Variants in NIN observed in about 807,000 individuals in gnomAD.
NIN encodes the protein glycogen synthase kinase 3 beta-interacting protein.
NIN carries 137 observed loss-of-function variants against 257.6 expected under a neutral mutation model. The observed-to-expected ratio is 0.53, with a 90% CI of 0.46 to 0.61. NIN has a LOEUF of 0.61. NIN is among the 20% of genes least tolerant of loss of function. NIN has a pLI of 0.00. For missense variants in NIN, 2,439 were observed against 2,501.2 expected, an observed-to-expected ratio of 0.98 and a Z score of 0.53; for synonymous variants, 918 against 919.8, an observed-to-expected ratio of 1.00 and a Z score of 0.04.
Position 50,766,288 on chromosome 14 carries a change from G to A in NIN, c.1635+19C>T, listed in dbSNP as rs2042483937. ...ACCCAGGCACTCCTGCACTTACTCA[G>A]TTCTCTTTGTCTACCTACCCTGCAC... On this transcript the variant is annotated intron_variant, in intron 14 of 30. Transcript: ENST00000530997. The A allele has an allele frequency of 6.2e-7, 1 of 1,600,332 alleles. No homozygotes were observed. Among genetic ancestry groups the A allele is most frequent in the East Asian group, 2.2e-5 (1 of 44,812 alleles).
At position 50,755,465 on chromosome 14, in the gene NIN, GT is replaced by G. The variant is rs548705356; in HGVS notation, c.4539-599del. 9.1e-3 allele frequency among the ~76,000 whole-genome samples: 1,285 copies of G among 141,500 alleles called. 19 individuals are homozygous for G. Among genetic ancestry groups the G allele is most frequent in the African/African-American group, 0.028 (1,101 of 38,884 alleles). 92.8% of individuals were successfully genotyped at this position (141,500 alleles called of 152,430 possible). On this transcript the variant is annotated intron_variant, in intron 18 of 30. Transcript: ENST00000530997. ...TCAGACGTCCTGTAATAGTTTACAAGTTTTTTTTTTTTTTGAAAAACCAAAT... is the reference window on the plus strand; with the variant it reads ...TCAGACGTCCTGTAATAGTTTACAAGTTTTTTTTTTTTTGAAAAACCAAAT...
At chr14:50,800,334 T>C (rs2044042300) in intron 4 of NIN, among the ~76,000 whole-genome samples, 1 of 152,212 alleles carries the variant, frequency 6.6e-6, no homozygotes, top group Non-Finnish European at 1.5e-5. Context: ...AAAAAGTGTT[T>C]CAGATTTTAG....
chr14:50,789,675 T>C (rs1413113457), intron 5 of NIN, among the ~76,000 whole-genome samples: 1 of 152,180 alleles, frequency 6.6e-6, no homozygotes, highest in Non-Finnish European at 1.5e-5. Flanking sequence ...TTGAGAATTT[T>C]TTTTCCTTCC....
chr14:50,755,187 A>T (rs972415286), intron 18 of NIN, among the ~76,000 whole-genome samples: 3 of 152,182 alleles, frequency 2.0e-5, no homozygotes, highest in African/African-American at 7.2e-5. Flanking sequence ...AAATGTCTTC[A>T]TTTATCTCAG....
intron 21 of NIN, among the ~76,000 whole-genome samples, chr14:50,748,905 G>A (rs200946857): frequency 5.3e-5 from 8 of 151,646 alleles, no homozygotes; most frequent in East Asian, 1.9e-4. Flanking sequence ...TTATAGATTC[G>A]GTGCTATTCC....
intron 24 of NIN, among the ~76,000 whole-genome samples, chr14:50,742,620 T>C (rs1000548938): frequency 7.2e-5 from 11 of 152,074 alleles, no homozygotes; most frequent in Non-Finnish European, 4.4e-5. Flanking sequence ...GGTCTTGATC[T>C]CTTGACCTCG....
At chr14:50,731,010 A>G in intron 28 of NIN, 3 of 1,202,880 alleles carry the variant, frequency 2.5e-6, no homozygotes, top group South Asian at 2.4e-5. Context: ...CACAGACAAG[A>G]CAAAAAGAAG....
In NIN at chr14:50,771,468, C is replaced by T; in HGVS notation, c.982G>A (p.Ala328Thr). The stretch of plus-strand genomic sequence containing the variant: ...TTTCCATCGAGGCTGAAATCCAAGG[C>T]CTAGAAATCAGAGCAAGGCGTAAAT... ...GIENSQEILK[A>T]LDFSLDGNIN... The change falls in exon 10 of 31, where the codon GCC becomes ACC. Residue 328 changes from alanine to threonine, a missense_variant and splice_region_variant. This residue lies in a region of NIN where 387 missense variants were observed against 427.3 expected (regional missense o/e 0.91). Coordinates refer to ENST00000530997, the MANE Select transcript of NIN (RefSeq NM_020921.4). 6.2e-7 allele frequency: 1 copy of T among 1,613,818 alleles called. No individual in the cohort carries two copies. Among genetic ancestry groups the T allele is most frequent in the Non-Finnish European group, 8.5e-7 (1 of 1,179,906 alleles).
In NIN at chr14:50,776,990, AG is replaced by A; in HGVS notation, c.624del (p.Ser209ProfsTer29). ...TGTAAACCATACTGCTCACAGATGG[AG>A]ACCAGCTTCTTCCGGTTCAGGTGAC... ...RDGHLNRKKL[V>X]SICEQYGLQN... On this transcript the variant is annotated frameshift_variant, in exon 7 of 31. Coordinates refer to ENST00000530997, the MANE Select transcript of NIN (RefSeq NM_020921.4). LOFTEE classifies it high-confidence loss of function. 6.2e-7 allele frequency: 1 copy of A among 1,614,140 alleles called. No homozygotes were observed. Among genetic ancestry groups the A allele is most frequent in the South Asian group, 1.1e-5 (1 of 91,074 alleles).
intron 5 of NIN, among the ~76,000 whole-genome samples, chr14:50,780,726 A>G (rs2043102591): frequency 6.6e-6 from 1 of 152,238 alleles, no homozygotes; most frequent in African/African-American, 2.4e-5. Context: ...TTGCTGACAA[A>G]TGGAAGACAC....
intron 4 of NIN, 134 bp downstream of exon 4, chr14:50,806,603 G>C: frequency 1.9e-6 from 1 of 534,370 alleles, no homozygotes; most frequent in East Asian, 3.2e-5. Context: ...TTGAAGAGAA[G>C]TCACCGAAAA....
At position 50,792,867 on chromosome 14, in the gene NIN, C is replaced by T. The variant is rs918095640; in HGVS notation, c.280G>A (p.Ala94Thr). The change falls in exon 5 of 31, where the codon GCT becomes ACT. Residue 94 changes from alanine to threonine, a missense_variant. Physicochemically the swap from Ala to Thr is moderately conservative, Grantham distance 58 (BLOSUM62 0). This residue lies in a region of NIN where 387 missense variants were observed against 427.3 expected (regional missense o/e 0.91). Transcript: ENST00000530997. The stretch of plus-strand genomic sequence containing the variant: ...CCACCTCTAACATATTTGGGCTGAG[C>T]TTCTAGTGAGCAGTCTGAGAGAGGA... ...HFQEPDCSLE[A>T]QPKYVRGGKR... The T allele has an allele frequency of 6.2e-7, 1 of 1,614,208 alleles. No individual in the cohort carries two copies. Among genetic ancestry groups the T allele is most frequent in the Non-Finnish European group, 8.5e-7 (1 of 1,180,036 alleles).
At chr14:50,830,666 T>C (rs1379855172) in intron 1 of NIN, 149 bp from the exon 2 acceptor site, 2 of 165,822 alleles carry the variant, frequency 1.2e-5, no homozygotes, top group East Asian at 1.9e-4. Context: ...GGCCAGCTCT[T>C]ACAAAAGCGC....
chr14:50,798,482 C>G (rs1246801815), intron 4 of NIN, among the ~76,000 whole-genome samples: 1 of 152,162 alleles, frequency 6.6e-6, no homozygotes, highest in Non-Finnish European at 1.5e-5. Context: ...ACTGGATGGT[C>G]TAAGTCCTAA....
chr14:50,761,058 G>A (rs2042256193), intron 16 of NIN, among the ~76,000 whole-genome samples: 1 of 152,090 alleles, frequency 6.6e-6, no homozygotes, highest in Non-Finnish European at 1.5e-5. Flanking sequence ...GGTAAGATAT[G>A]GTCCCTGCTA....
At chr14:50,773,911 C>A in intron 7 of NIN, among the ~76,000 whole-genome samples, 1 of 152,132 alleles carries the variant, frequency 6.6e-6, no homozygotes, top group Non-Finnish European at 1.5e-5. Flanking sequence ...AATAGAGCAA[C>A]GTGGATCATT....
chr14:50,828,092 ATGTT>A (rs2045545320), intron 2 of NIN, among the ~76,000 whole-genome samples: 3 of 131,186 alleles, frequency 2.3e-5, no homozygotes, highest in South Asian at 5.0e-4. Flanking sequence ...ACAGAGCTGC[ATGTT>A]TGTTACAAAA....
chr14:50,776,523 G>C (rs769855987), intron 7 of NIN, among the ~76,000 whole-genome samples: 1 of 152,166 alleles, frequency 6.6e-6, no homozygotes, highest in African/African-American at 2.4e-5. Context: ...ATGATATTGA[G>C]ATGTTCTTTC....
At chr14:50,818,062 G>T (rs866858596) in intron 3 of NIN, among the ~76,000 whole-genome samples, 1 of 151,010 alleles carries the variant, frequency 6.6e-6, no homozygotes, top group Non-Finnish European at 1.5e-5. Flanking sequence ...GATGGCTCAC[G>T]CCTGTAACCC....
Sources: gnomAD v4.1 joint callset for allele counts (sites outside exome capture counted in the v4.1 genomes callset) on GRCh38, gnomAD v4.1.1 for gene constraint, gnomAD v4.1.1 regional missense constraint, MANE v1.5 for transcripts, NCBI Gene and HGNC (gene_info 2026-07-23, HGNC 2026-07-21) for gene names.